GAK: variants seen among roughly 807,000 people sequenced by gnomAD.
GAK encodes the protein cyclin-G-associated kinase.
Under a neutral mutation model 143.9 loss-of-function variants are expected in GAK, and 79 were observed. The observed-to-expected ratio is 0.55, with a 90% CI of 0.46 to 0.66. GAK has a LOEUF of 0.66. GAK is among the 30% of genes least tolerant of loss of function. GAK has a pLI of 0.00. For synonymous variants in GAK, 881 were observed against 765.5 expected, an observed-to-expected ratio of 1.15 and a Z score of -2.49; for missense variants, 1,693 against 1,779.7, an observed-to-expected ratio of 0.95 and a Z score of 0.88.
chr4:894,981 A>ATAAC, intron 7 of GAK, among the ~76,000 whole-genome samples: 1 of 81,712 alleles, frequency 1.2e-5, no homozygotes, highest in Non-Finnish European at 2.6e-5. Context: ...TCTGTCTCAA[A>ATAAC]TAAATAAATA....
At chr4:918,418 A>G (rs915035260) in intron 1 of GAK, among the ~76,000 whole-genome samples, 1 of 152,264 alleles carries the variant, frequency 6.6e-6, no homozygotes, top group Non-Finnish European at 1.5e-5. Flanking sequence ...AGGCATAAAG[A>G]TCAAAAAGGA....
chr4:899,056 C>T (rs1719358413), intron 5 of GAK, among the ~76,000 whole-genome samples: 1 of 152,114 alleles, frequency 6.6e-6, no homozygotes, highest in Non-Finnish European at 1.5e-5. Context: ...CGCAGTGACT[C>T]AGCCCCACAG....
intron 18 of GAK, 90 bp downstream of exon 18, chr4:876,440 C>G (rs947046490): frequency 8.8e-7 from 1 of 1,137,490 alleles, no homozygotes; most frequent in African/African-American, 1.5e-5. Flanking sequence ...CCCGCCACTC[C>G]CCCTGGGGCT....
At chr4:855,145 G>A (rs1255990189) in intron 24 of GAK, among the ~76,000 whole-genome samples, 1 of 152,174 alleles carries the variant, frequency 6.6e-6, no homozygotes, top group South Asian at 2.1e-4. Flanking sequence ...GGCGTTGGTA[G>A]GAACTGCGTT....
Position 893,745 on chromosome 4 carries a change from G to A in GAK, c.877+129C>T, listed in dbSNP as rs1036722334. ...TGGAAACCCCCCCCCCAGGGATGTT[G>A]TCAAAACTATGGTGACGGGCGGGAG... is the stretch of plus-strand genomic sequence containing the variant. On this transcript the variant is annotated intron_variant, in intron 8 of 27. Coordinates refer to ENST00000314167, the MANE Select transcript of GAK (RefSeq NM_005255.4). 6 of 1,182,178 alleles carry A rather than the reference G, an allele frequency of 5.1e-6. No homozygotes were observed. The Admixed American group carries it at 1.6e-4, about 31-fold the overall frequency. The allele number at this position is 1,182,178 out of a possible 1,614,324, so 73.2% of individuals were successfully genotyped here. A position where few individuals can be genotyped will look rare whatever the true frequency, so the allele number is the denominator to read the frequency against.
chr4:866,814 C>A (rs1251414157), intron 21 of GAK, 142 bp downstream of exon 21: 1 of 719,862 alleles, frequency 1.4e-6, no homozygotes, highest in Admixed American at 2.5e-5. Context: ...GACATGACCC[C>A]GAGGCTGCTC....
intron 15 of GAK, among the ~76,000 whole-genome samples, chr4:878,503 G>T (rs1157699224): frequency 6.7e-6 from 1 of 150,066 alleles, no homozygotes; most frequent in Non-Finnish European, 1.5e-5. Flanking sequence ...ATAAATGTGT[G>T]TTTTTCTATT....
chr4:888,648 G>T, intron 11 of GAK, 199 bp downstream of exon 11: 1 of 628,254 alleles, frequency 1.6e-6, no homozygotes, highest in Non-Finnish European at 2.6e-6. Context: ...GCGATGAAAG[G>T]AAAGGGATCT....
At chr4:868,241 C>T (rs1350508501) in intron 20 of GAK, among the ~76,000 whole-genome samples, 6 of 152,196 alleles carry the variant, frequency 3.9e-5, no homozygotes, top group East Asian at 1.9e-4. Context: ...CCAGGGGCCC[C>T]GCCAGCATGG....
At chr4:889,035 C>A in intron 10 of GAK, 65 bp from the exon 11 acceptor site, 2 of 1,521,860 alleles carry the variant, frequency 1.3e-6, no homozygotes, top group Non-Finnish European at 1.8e-6. Context: ...GTGCGGGTTG[C>A]TGGCTGGGCC....
chr4:920,202 G>A (rs1198248035), intron 1 of GAK, among the ~76,000 whole-genome samples: 1 of 151,838 alleles, frequency 6.6e-6, no homozygotes, highest in Non-Finnish European at 1.5e-5. Context: ...CAGCTACTCG[G>A]GAGGCTGAGT....
intron 20 of GAK, among the ~76,000 whole-genome samples, chr4:868,246 G>C (rs1446463460): frequency 6.6e-6 from 1 of 152,218 alleles, no homozygotes; most frequent in Non-Finnish European, 1.5e-5. Flanking sequence ...GGCCCCGCCA[G>C]CATGGCCCAT....
rs1161076620 is a variant in GAK, at chr4:868,670, G to C, written c.2264C>G (p.Pro755Arg). 6.4e-7 allele frequency: 1 copy of C among 1,551,876 alleles called. No homozygotes were observed. Among genetic ancestry groups the C allele is most frequent in the South Asian group, 1.2e-5 (1 of 84,236 alleles). Residue 755 changes from proline (P) to arginine (R), a missense_variant, in exon 20 of 28, where the codon CCC becomes CGC. Physicochemically the swap from Pro to Arg is moderately radical, Grantham distance 103. Coordinates refer to ENST00000314167, the MANE Select transcript of GAK (RefSeq NM_005255.4). ...ILSKFGKPEL[P>R]RQPGSTAQYD... ...CTGAGCCGTGGAGCCAGGCTGCCGG[G>C]GAAGCTCCGGCTTCCCTGCAGGAGA... is the stretch of plus-strand genomic sequence containing the variant.
chr4:860,798 C>G (rs1049744281), intron 23 of GAK, among the ~76,000 whole-genome samples: 23 of 150,032 alleles, frequency 1.5e-4, no homozygotes, highest in Non-Finnish European at 3.3e-4. Flanking sequence ...ACTGTGCACT[C>G]GAGGGGACGG....
intron 9 of GAK, among the ~76,000 whole-genome samples, chr4:892,994 G>T (rs1717966991): frequency 6.6e-6 from 1 of 152,182 alleles, no homozygotes; most frequent in Admixed American, 6.5e-5. Context: ...CCACTGAAGT[G>T]GGCAGAGACC....
chr4:884,457 G>A (rs1265476399), intron 11 of GAK: 1 of 246,990 alleles, frequency 4.0e-6, no homozygotes, highest in Non-Finnish European at 7.9e-6. Context: ...GAGCAAGGGT[G>A]GCTTGGACGA....
rs143625399 is a variant in GAK at position 849,439 on chromosome 4, G to C, written c.*234C>G. 62 of 561,368 alleles carry C rather than the reference G, an allele frequency of 1.1e-4. 1 individual carries two copies. The highest frequency in any genetic ancestry group is 1.1e-3 in the South Asian group (49 of 44,680). 34.8% of individuals were successfully genotyped at this position (561,368 alleles called of 1,614,324 possible). On this transcript the variant is annotated 3_prime_UTR_variant, in exon 28 of 28. Transcript: ENST00000314167. Reference sequence around the variant, plus strand: ...AATAAATCACAGACGTGACAATTGCGGGAGGAGCATGAATCAGCTGTTCCT... The same window carrying C: ...AATAAATCACAGACGTGACAATTGCCGGAGGAGCATGAATCAGCTGTTCCT...
chr4:876,664 G>A, intron 17 of GAK, 55 bp from the exon 18 acceptor site: 1 of 1,509,708 alleles, frequency 6.6e-7, no homozygotes, highest in Non-Finnish European at 9.2e-7. Context: ...AGATCCTGGG[G>A]CCACAGGCCA....
In GAK at chr4:903,399, G is replaced by C. The variant is rs541031962; in HGVS notation, c.525+1238C>G. Among the ~76,000 whole-genome samples the C allele has an allele frequency of 2.0e-5, 3 of 152,326 alleles. No individual in the cohort carries two copies. In the East Asian group the frequency reaches 5.8e-4, roughly 29 times the overall value. On this transcript the variant is annotated intron_variant, in intron 5 of 27. Coordinates refer to ENST00000314167, the MANE Select transcript of GAK (RefSeq NM_005255.4). ...AAGTGCAAAGAGCTCCCCTCAAGCT[G>C]AGTAGGCAAGGGGTCCGGCCCCCGA...
Sources: gnomAD v4.1 joint callset for allele counts (sites outside exome capture counted in the v4.1 genomes callset) on GRCh38, gnomAD v4.1.1 for gene constraint, MANE v1.5 for transcripts, NCBI Gene and HGNC (gene_info 2026-07-23, HGNC 2026-07-21) for gene names.